The following CPED1 variants were observed in gnomAD, a reference collection of about 807,000 sequenced individuals.
The protein encoded by CPED1 is cadherin-like and PC-esterase domain-containing protein 1.
In CPED1, 114 loss-of-function variants were observed where a neutral mutation model predicts 128.2. The observed-to-expected ratio is 0.89, with a 90% CI of 0.76 to 1.04. CPED1 has a LOEUF of 1.04. Ranked by LOEUF, CPED1 falls within the 50% of genes least tolerant of loss-of-function variation. The pLI is 0.00. For synonymous variants in CPED1, 462 were observed against 426.7 expected (o/e 1.08, Z -1.02); for missense variants, 1,211 against 1,207.1 (o/e 1.00, Z -0.05).
chr7:121,197,303 T>C (rs567200245), intron 16 of CPED1, among the ~76,000 whole-genome samples: 1 of 152,166 alleles, frequency 6.6e-6, no homozygotes, highest in East Asian at 1.9e-4. Flanking sequence ...GAGCAATACA[T>C]GAGATCACAT....
intron 4 of CPED1, chr7:121,050,924 G>A (rs1793335075): frequency 2.7e-5 from 13 of 488,938 alleles, no homozygotes; most frequent in South Asian, 1.8e-4. Flanking sequence ...CAAGAAGAAG[G>A]TCATGAAGGG....
At chr7:121,071,194 G>C (rs1793979503) in intron 5 of CPED1, among the ~76,000 whole-genome samples, 1 of 152,152 alleles carries the variant, frequency 6.6e-6, no homozygotes, top group South Asian at 2.1e-4. Context: ...GTCTCACTGA[G>C]ACATCTCTCG....
At chr7:120,989,975 G>T in intron 2 of CPED1, 105 bp downstream of exon 2, 2 of 1,363,740 alleles carry the variant, frequency 1.5e-6, no homozygotes, top group Non-Finnish European at 2.0e-6. Flanking sequence ...GTCTGAAAGG[G>T]ATCCAGAGTG....
At position 121,142,032 on chromosome 7, in the gene CPED1, A is replaced by T. The variant is rs1257320172; in HGVS notation, c.1946A>T (p.Glu649Val). The T allele has an allele frequency of 6.2e-7, 1 of 1,612,798 alleles. No individual in the cohort carries two copies. Among genetic ancestry groups the T allele is most frequent in the Non-Finnish European group, 8.5e-7 (1 of 1,179,102 alleles). The change falls in exon 16 of 23, where the codon GAA becomes GTA. Residue 649 changes from glutamate to valine, a missense_variant. By Grantham distance (121) the Glu-to-Val change is moderately radical (BLOSUM62 -2). Coordinates refer to ENST00000310396, the MANE Select transcript of CPED1 (RefSeq NM_024913.5). Reference protein sequence around the residue: ...MNKISIFVVDESPAHGETLIT... With the variant: ...MNKISIFVVDVSPAHGETLIT... ...AAAATCTCAATATTTGTTGTGGATG[A>T]ATCTCCAGCACACGGTGAGACTCTG...
At chr7:121,084,059 C>G in intron 5 of CPED1, among the ~76,000 whole-genome samples, 1 of 152,076 alleles carries the variant, frequency 6.6e-6, no homozygotes. Flanking sequence ...GACTCACTAA[C>G]CTGGAGATAG....
intron 3 of CPED1, among the ~76,000 whole-genome samples, chr7:121,027,432 T>C (rs1336114104): frequency 1.3e-5 from 2 of 152,212 alleles, no homozygotes; most frequent in East Asian, 3.9e-4. Context: ...TAAATGTATA[T>C]GCAATTGAAA....
intron 16 of CPED1, among the ~76,000 whole-genome samples, chr7:121,232,723 A>G (rs1014625885): frequency 6.6e-6 from 1 of 152,098 alleles, no homozygotes; most frequent in Non-Finnish European, 1.5e-5. Flanking sequence ...AAATGGCAGT[A>G]GCCCAGGGAA....
At chr7:121,204,997 C>G (rs1294076518) in intron 16 of CPED1, among the ~76,000 whole-genome samples, 1 of 152,024 alleles carries the variant, frequency 6.6e-6, no homozygotes, top group Non-Finnish European at 1.5e-5. Flanking sequence ...TTCTGGGATG[C>G]AGTTCCTTTT....
intron 16 of CPED1, among the ~76,000 whole-genome samples, chr7:121,164,619 C>A: frequency 6.6e-6 from 1 of 152,290 alleles, no homozygotes; most frequent in East Asian, 1.9e-4. Flanking sequence ...CCCCAAACTG[C>A]GCTTTGAGAA....
intron 7 of CPED1, among the ~76,000 whole-genome samples, chr7:121,116,601 A>C (rs1465739372): frequency 6.6e-6 from 1 of 152,122 alleles, no homozygotes; most frequent in Non-Finnish European, 1.5e-5. Context: ...TTTTAGATGA[A>C]AGTAAAAATA....
intron 22 of CPED1, among the ~76,000 whole-genome samples, chr7:121,288,065 C>T (rs544079512): frequency 2.3e-3 from 348 of 152,080 alleles, no homozygotes; most frequent in Non-Finnish European, 4.3e-3. Context: ...TGAAATGTTT[C>T]ATAATATTGA....
intron 3 of CPED1, among the ~76,000 whole-genome samples, chr7:121,031,740 A>G (rs1792740536): frequency 6.6e-6 from 1 of 152,216 alleles, no homozygotes; most frequent in Non-Finnish European, 1.5e-5. Context: ...CAAAATGTCT[A>G]TTTTTAATAA....
At chr7:121,109,761 TGAA>T (rs1795061111) in intron 7 of CPED1, among the ~76,000 whole-genome samples, 1 of 152,208 alleles carries the variant, frequency 6.6e-6, no homozygotes, top group South Asian at 2.1e-4. Flanking sequence ...ATTATCTACA[TGAA>T]GAATATTTGT....
chr7:121,080,407 G>A (rs1251021112), intron 5 of CPED1, among the ~76,000 whole-genome samples: 2 of 152,230 alleles, frequency 1.3e-5, no homozygotes, highest in East Asian at 3.9e-4. Context: ...AGAAATATTA[G>A]GAGTTAATCT....
chr7:121,169,125 A>G (rs1173671783), intron 16 of CPED1, among the ~76,000 whole-genome samples: 3 of 152,224 alleles, frequency 2.0e-5, no homozygotes, highest in Admixed American at 6.5e-5. Context: ...TTCAGAATGC[A>G]TGTATAAATG....
At chr7:121,125,775 G>A in intron 8 of CPED1, 45 bp from the exon 9 acceptor site, 1 of 1,381,862 alleles carries the variant, frequency 7.2e-7, no homozygotes, top group Non-Finnish European at 1.0e-6. Context: ...AAACATCCAT[G>A]TGCATGTATC....
At chr7:121,262,084 T>G (rs986560406) in intron 18 of CPED1, among the ~76,000 whole-genome samples, 1 of 151,974 alleles carries the variant, frequency 6.6e-6, no homozygotes, top group Admixed American at 6.6e-5. Context: ...AATGAGTTCT[T>G]GCTTGTTAGT....
chr7:121,269,858 T>C (rs1398903253), intron 21 of CPED1, among the ~76,000 whole-genome samples: 1 of 152,030 alleles, frequency 6.6e-6, no homozygotes, highest in Non-Finnish European at 1.5e-5. Context: ...AAAAGGGGTA[T>C]TTTGGCTCAC....
chr7:121,024,681 T>C lies in CPED1; in HGVS notation c.433+8833T>C, dbSNP rs1211839714. ...AATTTACTTCAGGTCATTGTTCTTT[T>C]TGTATGTCTTTAAAATGGAAAAAAG... On this transcript the variant is annotated intron_variant, in intron 3 of 22. Coordinates refer to ENST00000310396, the MANE Select transcript of CPED1 (RefSeq NM_024913.5). Among the ~76,000 whole-genome samples, 3 of 152,200 alleles carry C rather than the reference T, an allele frequency of 2.0e-5. No homozygotes were observed. The East Asian group carries it at 5.8e-4, about 29-fold the overall frequency.
Sources: gnomAD v4.1 joint callset for allele counts (sites outside exome capture counted in the v4.1 genomes callset) on GRCh38, gnomAD v4.1.1 for gene constraint, MANE v1.5 for transcripts, NCBI Gene and HGNC (gene_info 2026-07-23, HGNC 2026-07-21) for gene names.